The following LRMDA variants were observed in gnomAD, a reference collection of about 807,000 sequenced individuals.
LRMDA encodes leucine-rich melanocyte differentiation-associated protein.
Under a neutral mutation model 29.8 loss-of-function variants are expected in LRMDA, and 18 were observed. That is an observed-to-expected ratio of 0.60 (90% CI 0.42 to 0.90). The LOEUF (loss-of-function observed/expected upper bound fraction) is 0.90. Ranked by LOEUF, LRMDA falls within the 40% of genes least tolerant of loss-of-function variation. The pLI is 0.00. For missense variants in LRMDA, 273 were observed against 273.9 expected (o/e 1.00, Z 0.02); for synonymous variants, 125 against 109.4 (o/e 1.14, Z -0.89).
At chr10:75,821,496 G>A (rs765395349) in intron 2 of LRMDA, among the ~76,000 whole-genome samples, 8 of 152,224 alleles carry the variant, frequency 5.3e-5, no homozygotes, top group Admixed American at 1.3e-4. Flanking sequence ...CTGGCTGGGC[G>A]TGGTGGCTCA....
intron 2 of LRMDA, among the ~76,000 whole-genome samples, chr10:75,714,857 C>CCCTCCCTCCCTTCCTTCCTT (rs1554821960): frequency 7.6e-6 from 1 of 131,628 alleles, no homozygotes; most frequent in East Asian, 2.6e-4. Context: ...CTCCCTCCCT[C>CCCTCCCTCCCTTCCTTCCTT]CCTTCCTTCC....
At chr10:76,542,731 G>A (rs943741739) in intron 6 of LRMDA, among the ~76,000 whole-genome samples, 9 of 152,186 alleles carry the variant, frequency 5.9e-5, no homozygotes, top group African/African-American at 2.2e-4. Flanking sequence ...GAGCCTTGTG[G>A]AGAATAGATA....
intron 6 of LRMDA, among the ~76,000 whole-genome samples, chr10:76,346,153 T>C (rs991441837): frequency 1.3e-5 from 2 of 152,162 alleles, no homozygotes; most frequent in Non-Finnish European, 2.9e-5. Context: ...GTTTTGAAAG[T>C]GTAGACACAA....
At chr10:75,570,484 G>T (rs1008920203) in intron 2 of LRMDA, among the ~76,000 whole-genome samples, 1 of 152,078 alleles carries the variant, frequency 6.6e-6, no homozygotes, top group Admixed American at 6.5e-5. Context: ...ATATGAACTG[G>T]GTGTGATGTA....
intron 2 of LRMDA, among the ~76,000 whole-genome samples, chr10:75,900,002 G>A (rs938161077): frequency 1.3e-5 from 2 of 152,204 alleles, no homozygotes; most frequent in East Asian, 1.9e-4. Flanking sequence ...ATGTGTGTGA[G>A]CCTTGGAGAT....
intron 6 of LRMDA, among the ~76,000 whole-genome samples, chr10:76,418,480 CAT>C (rs1564535969): frequency 6.6e-6 from 1 of 151,866 alleles, no homozygotes; most frequent in Non-Finnish European, 1.5e-5. Context: ...AAATAATTCT[CAT>C]ATGTTTATTT....
chr10:75,628,710 C>T (rs759248714), intron 2 of LRMDA, among the ~76,000 whole-genome samples: 18 of 152,158 alleles, frequency 1.2e-4, no homozygotes, highest in Non-Finnish European at 1.9e-4. Context: ...GCCAGGGGAC[C>T]CCCAGCACTG....
chr10:75,570,848 A>G (rs1840429593), intron 2 of LRMDA, among the ~76,000 whole-genome samples: 1 of 152,260 alleles, frequency 6.6e-6, no homozygotes, highest in South Asian at 2.1e-4. Flanking sequence ...TTTTGGCCGT[A>G]AAATTCCATT....
At chr10:75,858,521 G>A (rs1198589192) in intron 2 of LRMDA, among the ~76,000 whole-genome samples, 3 of 152,178 alleles carry the variant, frequency 2.0e-5, no homozygotes, top group Non-Finnish European at 4.4e-5. Context: ...AGTAACAGCA[G>A]CATTCCCTTG....
chr10:75,559,804 T>G (rs12412934), intron 2 of LRMDA, among the ~76,000 whole-genome samples: 2,143 of 53,858 alleles, frequency 0.04, 179 homozygotes, highest in Middle Eastern at 0.11. Context: ...TTTCCCCATT[T>G]CTTGTTTTTG....
chr10:75,488,953 T>C (rs938001237), intron 2 of LRMDA, among the ~76,000 whole-genome samples: 1 of 152,214 alleles, frequency 6.6e-6, no homozygotes, highest in Non-Finnish European at 1.5e-5. Flanking sequence ...ATTGGCAAAC[T>C]GTGACCGTTT....
At chr10:75,794,608 G>A (rs555707353) in intron 2 of LRMDA, among the ~76,000 whole-genome samples, 86 of 152,172 alleles carry the variant, frequency 5.7e-4, no homozygotes, top group African/African-American at 1.6e-3. Flanking sequence ...AGTTAGTGTC[G>A]TCAGTCTTTT....
chr10:76,288,838 C>T (rs1840304622), intron 5 of LRMDA, among the ~76,000 whole-genome samples: 1 of 152,054 alleles, frequency 6.6e-6, no homozygotes, highest in East Asian at 1.9e-4. Context: ...AAAGCCAGAG[C>T]CAATCAGTCA....
intron 2 of LRMDA, among the ~76,000 whole-genome samples, chr10:75,943,851 C>T (rs752954059): frequency 1.4e-4 from 21 of 152,304 alleles, no homozygotes; most frequent in Non-Finnish European, 2.8e-4. Flanking sequence ...GCTATATGCT[C>T]ATGCTGCATG....
intron 5 of LRMDA, among the ~76,000 whole-genome samples, chr10:76,317,381 C>G (rs1205919391): frequency 6.6e-6 from 1 of 152,068 alleles, no homozygotes; most frequent in Non-Finnish European, 1.5e-5. Context: ...CGTATTTTTC[C>G]TCCCTTTTTT....
chr10:76,248,891 C>A (rs577833927), intron 5 of LRMDA, among the ~76,000 whole-genome samples: 4 of 152,256 alleles, frequency 2.6e-5, no homozygotes, highest in Non-Finnish European at 5.9e-5. Flanking sequence ...CTTACAGCAG[C>A]CTCATCCTAT....
intron 5 of LRMDA, among the ~76,000 whole-genome samples, chr10:76,105,425 G>T (rs986509547): frequency 6.6e-6 from 1 of 151,932 alleles, no homozygotes; most frequent in Non-Finnish European, 1.5e-5. Context: ...TGGGGGGTGG[G>T]GGGGAAGAGT....
chr10:75,762,660 T>G (rs1228222655), intron 2 of LRMDA, among the ~76,000 whole-genome samples: 2 of 152,220 alleles, frequency 1.3e-5, no homozygotes, highest in African/African-American at 2.4e-5. Context: ...AGTTTCCTTA[T>G]CTGTAAAATG....
chr10:76,262,568 TG>T (rs1284905413), intron 5 of LRMDA, among the ~76,000 whole-genome samples: 3 of 152,238 alleles, frequency 2.0e-5, no homozygotes, highest in Non-Finnish European at 2.9e-5. Flanking sequence ...AATAACTCTC[TG>T]GCATATATGT....
Sources: allele counts gnomAD v4.1 joint callset (sites outside exome capture counted in the v4.1 genomes callset), GRCh38; gene constraint gnomAD v4.1.1; transcripts MANE v1.5; gene names NCBI Gene and HGNC (gene_info 2026-07-23, HGNC 2026-07-21).